TNK2: variants seen among roughly 807,000 people sequenced by gnomAD.
TNK2 encodes tyrosine kinase non receptor 2.
In TNK2, 83 loss-of-function variants were observed where a neutral mutation model predicts 101.8. The observed-to-expected ratio is 0.82, with a 90% CI of 0.68 to 0.98. The LOEUF is 0.98. Among genes scored for constraint, TNK2 ranks in the 50% least tolerant of loss-of-function variants. The pLI is 0.00. For missense variants in TNK2, 1,665 were observed against 1,483.2 expected (o/e 1.12, Z -2.01); for synonymous variants, 804 against 633.0 (o/e 1.27, Z -4.06).
chr3:195,867,879 G>T lies in TNK2; in HGVS notation c.2419C>A (p.Pro807Thr). ...CTGCCAGGTGGTACCAGGGGGCTGGGTGTCCTCGAGCCTTGAGGGGACAGG... is the reference window on the plus strand; with the variant it reads ...CTGCCAGGTGGTACCAGGGGGCTGGTTGTCCTCGAGCCTTGAGGGGACAGG... ...EPLSPQGSRT[P>T]SPLVPPGSSP... Residue 807 changes from proline to threonine, a missense_variant, in exon 13 of 16, where the codon CCC becomes ACC. Pro to Thr is a conservative substitution (Grantham distance 38, BLOSUM62 -1). This residue lies in a region of TNK2 where 1,136 missense variants were observed against 894.9 expected (regional missense o/e 1.27). Coordinates refer to ENST00000672887, the MANE Select transcript of TNK2 (RefSeq NM_001382273.1). 1 of 1,529,930 alleles carries T rather than the reference G, an allele frequency of 6.5e-7. No individual in the cohort carries two copies. The allele number at this position is 1,529,930 out of a possible 1,614,324, so 94.8% of individuals were successfully genotyped here.
chr3:195,864,461 C>A (rs901434182), intron 15 of TNK2, among the ~76,000 whole-genome samples: 2 of 151,854 alleles, frequency 1.3e-5, no homozygotes, highest in Admixed American at 1.3e-4. Flanking sequence ...AAGAACCACC[C>A]GAGACAGCGA....
At chr3:195,881,478 C>G (rs1282929117) in intron 6 of TNK2, among the ~76,000 whole-genome samples, 14 of 90,400 alleles carry the variant, frequency 1.5e-4, no homozygotes, top group East Asian at 7.7e-4. Context: ...ATCTGTCCCT[C>G]TAACACCCCC....
chr3:195,892,632 T>G, intron 1 of TNK2: 2 of 1,432,456 alleles, frequency 1.4e-6, no homozygotes, highest in Admixed American at 5.4e-5. Flanking sequence ...TCCGCTCTGC[T>G]GCAAGCCCCG....
chr3:195,863,764 C>G lies in TNK2; in HGVS notation c.*417G>C, dbSNP rs1319163415. On this transcript the variant is annotated 3_prime_UTR_variant, in exon 16 of 16. Transcript: ENST00000672887. ...GGTCCCACCGGGTGCCGGTCCGCCT[C>G]TCCCTGTGGCCAACACATCCCGCCT... 1 of 193,284 alleles carries G rather than the reference C, an allele frequency of 5.2e-6. No homozygotes were observed. The highest frequency in any genetic ancestry group is 2.3e-5 in the African/African-American group (1 of 43,096). The allele number at this position is 193,284 out of a possible 1,614,324, so 12.0% of individuals were successfully genotyped here.
intron 15 of TNK2, among the ~76,000 whole-genome samples, chr3:195,864,460 C>A (rs895770835): frequency 6.6e-6 from 1 of 151,908 alleles, no homozygotes; most frequent in African/African-American, 2.4e-5. Context: ...TAAGAACCAC[C>A]CGAGACAGCG....
intron 1 of TNK2, among the ~76,000 whole-genome samples, chr3:195,890,814 T>C (rs1228146579): frequency 6.6e-6 from 1 of 152,336 alleles, no homozygotes; most frequent in East Asian, 1.9e-4. Flanking sequence ...ATTCAGAACA[T>C]AGCAGAAGTC....
chr3:195,875,779 A>G (rs1343775441), intron 9 of TNK2, among the ~76,000 whole-genome samples: 4 of 152,258 alleles, frequency 2.6e-5, no homozygotes, highest in South Asian at 4.1e-4. Context: ...AAAAGGGCCC[A>G]ACACCTCCGC....
chr3:195,876,630 A>G (rs778682452), intron 9 of TNK2: 11 of 456,236 alleles, frequency 2.4e-5, no homozygotes, highest in South Asian at 1.7e-4. Context: ...AGCTCCAGGC[A>G]CGGAGGGCAG....
At position 195,884,967 on chromosome 3, in the gene TNK2, T is replaced by C. The variant is rs1754949623; in HGVS notation, c.301A>G (p.Thr101Ala). 1.9e-6 allele frequency: 3 copies of C among 1,613,546 alleles called. No individual in the cohort carries two copies. Among genetic ancestry groups the C allele is most frequent in the Non-Finnish European group, 2.5e-6 (3 of 1,179,824 alleles). The part of the protein sequence containing the change: ...PHHSQSTFRK[T>A]SPAPGGPAGE... ...GCTGGGCCCCCAGGGGCGGGCGAGG[T>C]CTTCCGGAAGGTGCTCTGAGAGTGA... Residue 101 changes from threonine (T) to alanine (A), a missense_variant, in exon 4 of 16, where the codon ACC (threonine) becomes GCC (alanine). Physicochemically the swap from Thr to Ala is moderately conservative, Grantham distance 58. Transcript: ENST00000672887.
chr3:195,883,467 G>A (rs1382573677), intron 4 of TNK2, 158 bp from the exon 5 acceptor site: 5 of 823,584 alleles, frequency 6.1e-6, no homozygotes, highest in African/African-American at 5.1e-5. Flanking sequence ...TACGTGCTCT[G>A]CGTGAGGCCT....
At position 195,872,386 on chromosome 3, in the gene TNK2, G is replaced by A. The variant is rs202212058; in HGVS notation, c.1341C>T (p.Ala447=). Residue 447 remains alanine (A), a synonymous_variant, in exon 10 of 16, where the codon GCC becomes GCT. Coordinates refer to ENST00000672887, the MANE Select transcript of TNK2 (RefSeq NM_001382273.1). ...GGCTGATGTCCTGGGCCGACAGGCC[G>A]GCCACGGAGGTCACCACGTTGCGAG... ...PFPRNVVTSV[A]GLSAQDISQP... is the part of the protein sequence containing the mutation. The A allele has an allele frequency of 1.1e-4, 185 of 1,613,320 alleles. No individual in the cohort carries two copies. Among genetic ancestry groups the A allele is most frequent in the East Asian group, 5.3e-4 (24 of 44,876 alleles).
At chr3:195,897,837 C>A (rs1760802850) in intron 1 of TNK2, among the ~76,000 whole-genome samples, 1 of 140,344 alleles carries the variant, frequency 7.1e-6, no homozygotes, top group African/African-American at 2.6e-5. Flanking sequence ...CCACCCCCCG[C>A]CCCCAGCTTC....
At position 195,868,219 on chromosome 3, in the gene TNK2, C is replaced by T. The variant is rs752420685; in HGVS notation, c.2079G>A (p.Arg693=). 2.5e-6 allele frequency: 4 copies of T among 1,606,460 alleles called. No homozygotes were observed. Among genetic ancestry groups the T allele is most frequent in the Non-Finnish European group, 3.4e-6 (4 of 1,179,046 alleles). Residue 693 remains arginine (R), a synonymous_variant, in exon 13 of 16, where the codon CGG becomes CGA. Transcript: ENST00000672887. The stretch of plus-strand genomic sequence containing the variant: ...GGTTGTCCTCCAGGGGAGGGGGCGG[C>T]CGCGCCTGCTCAGGCACAAAGGCGT... ...TNYAFVPEQA[R]PPPPLEDNLF...
chr3:195,868,156 G>A lies in TNK2; in HGVS notation c.2142C>T (p.Ser714=), dbSNP rs1342128977. The A allele has an allele frequency of 6.2e-7, 1 of 1,611,110 alleles. No individual in the cohort carries two copies. The highest frequency in any genetic ancestry group is 8.5e-7 in the Non-Finnish European group (1 of 1,179,260). Residue 714 remains serine (S), a synonymous_variant, in exon 13 of 16, where the codon AGC becomes AGT. Coordinates refer to ENST00000672887, the MANE Select transcript of TNK2 (RefSeq NM_001382273.1). ...GGAAGATCTCTGCGGTCTGTGCGGA[G>A]CTGGGCGGCTTGCCCCCACCCTGGG... ...LPPQGGGKPP[S]SAQTAEIFQA...
intron 2 of TNK2, among the ~76,000 whole-genome samples, chr3:195,887,923 T>TAC (rs1310865809): frequency 1.4e-5 from 2 of 144,492 alleles, no homozygotes; most frequent in African/African-American, 5.3e-5. Flanking sequence ...CATGCGTGCG[T>TAC]GCACGTGTGT....
chr3:195,883,149 G>A lies in TNK2; in HGVS notation c.609+8C>T, dbSNP rs777901211. ...CCCTGCCCGCCCCCTCCCGCCCGCA[G>A]TACTCACCATCTTCATGGGCGGCGT... On this transcript the variant is annotated splice_region_variant and intron_variant, in intron 5 of 15. Coordinates refer to ENST00000672887, the MANE Select transcript of TNK2 (RefSeq NM_001382273.1). 12 of 1,573,906 alleles carry A rather than the reference G, an allele frequency of 7.6e-6. No individual in the cohort carries two copies. The highest frequency in any genetic ancestry group is 6.8e-5 in the Admixed American group (4 of 59,136).
At position 195,868,268 on chromosome 3, in the gene TNK2, C is replaced by G. The variant is rs146623412; in HGVS notation, c.2030G>C (p.Gly677Ala). The change falls in exon 13 of 16, where the codon GGG becomes GCG. Residue 677 changes from glycine (G) to alanine (A), a missense_variant. Transcript: ENST00000672887. ...GTAGTTGGTCTGGCCCTGGCTGGGC[C>G]CGGCAGGGACCCCCGCGCCCACGAG... ...STLVGAGVPA[G>A]PSQGQTNYAF... 6.2e-7 allele frequency: 1 copy of G among 1,604,296 alleles called. No homozygotes were observed. Among genetic ancestry groups the G allele is most frequent in the South Asian group, 1.1e-5 (1 of 91,058 alleles).
intron 13 of TNK2, 29 bp from the exon 14 acceptor site, chr3:195,867,293 C>T: frequency 1.2e-6 from 2 of 1,611,826 alleles, no homozygotes; most frequent in East Asian, 2.2e-5. Context: ...GTCAGCACCA[C>T]TAGGGCCCAC....
chr3:195,868,143 C>T lies in TNK2; in HGVS notation c.2155G>A (p.Ala719Thr), dbSNP rs762787633. The T allele has an allele frequency of 4.5e-5, 73 of 1,611,362 alleles. No individual in the cohort carries two copies. Among genetic ancestry groups the T allele is most frequent in the South Asian group, 9.9e-5 (9 of 90,920 alleles). The change falls in exon 13 of 16, where the codon GCA (alanine) becomes ACA (threonine). Residue 719 changes from alanine to threonine, a missense_variant. Coordinates refer to ENST00000672887, the MANE Select transcript of TNK2 (RefSeq NM_001382273.1). ...TGCTGTAGCGCCTGGAAGATCTCTG[C>T]GGTCTGTGCGGAGCTGGGCGGCTTG... The part of the protein sequence containing the change: ...GGKPPSSAQT[A>T]EIFQALQQEC...
Sources: allele counts gnomAD v4.1 joint callset (sites outside exome capture counted in the v4.1 genomes callset), GRCh38; gene constraint gnomAD v4.1.1; regional missense constraint gnomAD v4.1.1; transcripts MANE v1.5; gene names NCBI Gene and HGNC (gene_info 2026-07-23, HGNC 2026-07-21).